MCPH1: variants seen among roughly 807,000 people sequenced by gnomAD.
The protein encoded by MCPH1 is microcephalin 1.
A neutral mutation model predicts 84.5 loss-of-function variants in MCPH1; 104 were observed. That is an observed-to-expected ratio of 1.23 (90% CI 1.05 to 1.45). The LOEUF is 1.45. Among genes scored for constraint, MCPH1 ranks in the 40% most tolerant of loss-of-function variants. The pLI, the probability that MCPH1 is intolerant of heterozygous loss-of-function variation, is 0.00. For missense variants in MCPH1, 1,498 were observed against 1,005.7 expected, an observed-to-expected ratio of 1.49 and a Z score of -6.62; for synonymous variants, 514 against 366.8, an observed-to-expected ratio of 1.40 and a Z score of -4.58.
chr8:6,604,846 C>T (rs550587196), intron 12 of MCPH1, among the ~76,000 whole-genome samples: 1 of 152,326 alleles, frequency 6.6e-6, no homozygotes, highest in Non-Finnish European at 1.5e-5. Flanking sequence ...TTAGAATTAC[C>T]AACTTAAGTA....
At chr8:6,532,530 C>T (rs756483411) in intron 12 of MCPH1, 3 of 1,464,194 alleles carry the variant, frequency 2.0e-6, no homozygotes, top group South Asian at 2.9e-5. Flanking sequence ...AGTCAAATGA[C>T]CGGAAACCTG....
intron 11 of MCPH1, among the ~76,000 whole-genome samples, chr8:6,498,873 A>G (rs1028415871): frequency 2.6e-5 from 4 of 151,808 alleles, no homozygotes; most frequent in Admixed American, 6.6e-5. Context: ...ACACGGTGAA[A>G]CCCGATCTCT....
intron 12 of MCPH1, among the ~76,000 whole-genome samples, chr8:6,614,248 C>A (rs573694273): frequency 6.6e-6 from 1 of 152,330 alleles, no homozygotes; most frequent in African/African-American, 2.4e-5. Context: ...AGGGCTTTCA[C>A]CAAAGCTTGG....
At chr8:6,612,615 G>C (rs779409038) in intron 12 of MCPH1, among the ~76,000 whole-genome samples, 7 of 152,238 alleles carry the variant, frequency 4.6e-5, no homozygotes, top group Non-Finnish European at 8.8e-5. Flanking sequence ...TTGCGGGCCT[G>C]CTCCGGCTCT....
intron 13 of MCPH1, among the ~76,000 whole-genome samples, chr8:6,629,090 A>G (rs1461515475): frequency 6.6e-6 from 1 of 152,246 alleles, no homozygotes; most frequent in Non-Finnish European, 1.5e-5. Context: ...ATCTGGAGCT[A>G]GGGCCTTTAA....
At chr8:6,510,344 G>A (rs1814792064) in intron 12 of MCPH1, among the ~76,000 whole-genome samples, 1 of 152,158 alleles carries the variant, frequency 6.6e-6, no homozygotes, top group Admixed American at 6.5e-5. Context: ...AGCCTACAAA[G>A]CAAATCCTGC....
chr8:6,458,224 G>T (rs1805903677), intron 9 of MCPH1, among the ~76,000 whole-genome samples: 1 of 152,164 alleles, frequency 6.6e-6, no homozygotes, highest in South Asian at 2.1e-4. Flanking sequence ...TGTAATCCCA[G>T]CGCTTTGGGA....
rs554876565 is a variant in MCPH1 at position 6,509,048 on chromosome 8, C to T, written c.2214+9119C>T. The T allele has an allele frequency of 6.8e-6, 11 of 1,614,018 alleles. 1 individual carries two copies. In the South Asian group the frequency reaches 1.2e-4, roughly 18 times the overall value. ...TATTTTGCCGGCTGTCCCTGTAAGT[C>T]CTTTAAGGTGAATCCTGTAAGCGTG... On this transcript the variant is annotated intron_variant, in intron 12 of 13. Coordinates refer to ENST00000344683, the MANE Select transcript of MCPH1 (RefSeq NM_024596.5).
At chr8:6,617,277 G>GT (rs71213326) in intron 12 of MCPH1, 7,650 of 114,518 alleles carry the variant, frequency 0.067, 506 homozygotes, top group African/African-American at 0.17. Flanking sequence ...TGTTTTTTTT[G>GT]TTTTTTTTTT....
At chr8:6,633,772 G>A (rs934513438) in intron 13 of MCPH1, among the ~76,000 whole-genome samples, 1 of 152,160 alleles carries the variant, frequency 6.6e-6, no homozygotes, top group Non-Finnish European at 1.5e-5. Context: ...GTGGGGCCGA[G>A]AACTCCATGC....
At chr8:6,512,813 G>T (rs552058201) in intron 12 of MCPH1, among the ~76,000 whole-genome samples, 11 of 152,322 alleles carry the variant, frequency 7.2e-5, no homozygotes, top group Non-Finnish European at 1.3e-4. Context: ...AATGGGTGAG[G>T]ACAAGGTAAA....
At chr8:6,556,512 T>A (rs1300280841) in intron 12 of MCPH1, among the ~76,000 whole-genome samples, 1 of 1,796 alleles carries the variant, frequency 5.6e-4, no homozygotes, top group Non-Finnish European at 0.013. Context: ...TCTCATTTCA[T>A]TCATTTACCC....
chr8:6,576,682 ATTTTTTTTTT>A (rs58486084), intron 12 of MCPH1, among the ~76,000 whole-genome samples: 17 of 42,338 alleles, frequency 4.0e-4, no homozygotes, highest in Non-Finnish European at 5.3e-4. Flanking sequence ...TAATTTTTGT[ATTTTTTTTTT>A]TTTTTTTTTT....
At chr8:6,562,678 A>G (rs769616632) in intron 12 of MCPH1, 4 of 1,590,262 alleles carry the variant, frequency 2.5e-6, no homozygotes, top group African/African-American at 2.7e-5. Flanking sequence ...GTTTTCCATG[A>G]TGTTCTCCAG....
intron 3 of MCPH1, among the ~76,000 whole-genome samples, chr8:6,427,922 A>G (rs995054970): frequency 8.3e-4 from 126 of 151,664 alleles, no homozygotes; most frequent in Non-Finnish European, 6.3e-4. Context: ...CCTCCTGAGT[A>G]GCTGGAATTA....
At chr8:6,455,948 G>A (rs937579232) in intron 9 of MCPH1, among the ~76,000 whole-genome samples, 1 of 152,106 alleles carries the variant, frequency 6.6e-6, no homozygotes, top group Non-Finnish European at 1.5e-5. Flanking sequence ...GAATGACAGA[G>A]TAGATGGGTC....
intron 11 of MCPH1, among the ~76,000 whole-genome samples, chr8:6,495,962 G>T (rs1336548787): frequency 6.6e-6 from 1 of 152,168 alleles, no homozygotes; most frequent in African/African-American, 2.4e-5. Context: ...TGGCACCAAG[G>T]ACCAGTTTTG....
chr8:6,623,649 G>A (rs1158073725), intron 13 of MCPH1, among the ~76,000 whole-genome samples: 1 of 135,384 alleles, frequency 7.4e-6, no homozygotes, highest in Non-Finnish European at 1.5e-5. Flanking sequence ...TTTTTACTCT[G>A]GTGCAGAGTA....
At chr8:6,446,463 T>A (rs1368216235) in intron 8 of MCPH1, 1 of 985,140 alleles carries the variant, frequency 1.0e-6, no homozygotes, top group Admixed American at 6.2e-5. Flanking sequence ...GAGTATACGC[T>A]CCCCAAAATT....
Sources: allele counts gnomAD v4.1 joint callset (sites outside exome capture counted in the v4.1 genomes callset), GRCh38; gene constraint gnomAD v4.1.1; transcripts MANE v1.5; gene names NCBI Gene and HGNC (gene_info 2026-07-23, HGNC 2026-07-21).